CSMD1: variants seen among roughly 807,000 people sequenced by gnomAD.
CSMD1 encodes CUB and sushi domain-containing protein 1.
Under a neutral mutation model 417.5 loss-of-function variants are expected in CSMD1, and 213 were observed. The observed-to-expected ratio is 0.51, with a 90% CI of 0.46 to 0.57. The LOEUF is 0.57. Ranked by LOEUF, CSMD1 falls within the 20% of genes least tolerant of loss-of-function variation. CSMD1 has a pLI of 0.00. For missense variants in CSMD1, 6,923 were observed against 4,529.7 expected, an observed-to-expected ratio of 1.53 and a Z score of -15.17; for synonymous variants, 2,862 against 1,736.8, an observed-to-expected ratio of 1.65 and a Z score of -16.11.
At chr8:3,546,222 T>C (rs781071094) in intron 10 of CSMD1, among the ~76,000 whole-genome samples, 2 of 152,118 alleles carry the variant, frequency 1.3e-5, no homozygotes, top group Non-Finnish European at 2.9e-5. Flanking sequence ...TAAGGTTCTA[T>C]GCAGATAGTG....
intron 1 of CSMD1, among the ~76,000 whole-genome samples, chr8:4,697,382 A>T (rs576315600): frequency 1.3e-5 from 2 of 152,200 alleles, no homozygotes; most frequent in East Asian, 3.9e-4. Flanking sequence ...CTTGATTTTA[A>T]GTGGCTACTT....
At chr8:4,602,014 G>A (rs954097789) in intron 2 of CSMD1, among the ~76,000 whole-genome samples, 1 of 152,118 alleles carries the variant, frequency 6.6e-6, no homozygotes, top group Admixed American at 6.5e-5. Flanking sequence ...CCTTCCAAAT[G>A]ACATTTGCTA....
intron 3 of CSMD1, among the ~76,000 whole-genome samples, chr8:4,149,097 G>A (rs1050040429): frequency 6.6e-6 from 1 of 151,856 alleles, no homozygotes. Flanking sequence ...CCAAGTAGCT[G>A]GGATTACAGG....
At chr8:4,012,987 A>AAC (rs556846196) in intron 4 of CSMD1, among the ~76,000 whole-genome samples, 162 of 152,232 alleles carry the variant, frequency 1.1e-3, no homozygotes, top group African/African-American at 3.5e-3. Flanking sequence ...CTCAAGTAAC[A>AAC]ACACCTCTCA....
chr8:3,410,175 T>A (rs760325363), intron 12 of CSMD1, among the ~76,000 whole-genome samples: 1 of 152,216 alleles, frequency 6.6e-6, no homozygotes, highest in African/African-American at 2.4e-5. Flanking sequence ...TGCGTCCAAA[T>A]ACACCAAACC....
At chr8:4,170,681 G>C (rs12156181) in intron 3 of CSMD1, among the ~76,000 whole-genome samples, 12,363 of 151,416 alleles carry the variant, frequency 0.082, 641 homozygotes, top group Middle Eastern at 0.21. Context: ...GGAGGAGCTA[G>C]AACTCTGACA....
intron 1 of CSMD1, among the ~76,000 whole-genome samples, chr8:4,936,512 T>C (rs1357084910): frequency 2.0e-5 from 3 of 152,218 alleles, no homozygotes; most frequent in East Asian, 1.9e-4. Context: ...TACACTTCTA[T>C]TGGATGGATT....
chr8:4,158,089 C>CTTTTTTTT (rs57117925), intron 3 of CSMD1, among the ~76,000 whole-genome samples: 1 of 142,014 alleles, frequency 7.0e-6, no homozygotes. Flanking sequence ...CAAGAAAACC[C>CTTTTTTTT]TTTTTTTTTT....
intron 3 of CSMD1, among the ~76,000 whole-genome samples, chr8:4,283,418 T>C (rs549481925): frequency 1.3e-5 from 2 of 152,324 alleles, no homozygotes; most frequent in East Asian, 3.9e-4. Context: ...AACACATTCT[T>C]TTCATCTGGG....
chr8:3,350,065 G>T (rs191476848), intron 21 of CSMD1, among the ~76,000 whole-genome samples: 11 of 141,588 alleles, frequency 7.8e-5, no homozygotes, highest in Non-Finnish European at 1.7e-4. Flanking sequence ...AATAACTTGT[G>T]TATGTGTGTG....
chr8:3,538,475 T>C (rs1230782207), intron 10 of CSMD1, among the ~76,000 whole-genome samples: 6 of 151,220 alleles, frequency 4.0e-5, no homozygotes, highest in African/African-American at 7.3e-5. Flanking sequence ...CCTAAGATGA[T>C]ACACCTGAGA....
intron 23 of CSMD1, among the ~76,000 whole-genome samples, chr8:3,324,697 T>A (rs1157591174): frequency 6.6e-6 from 1 of 151,902 alleles, no homozygotes; most frequent in Non-Finnish European, 1.5e-5. Context: ...TTCGTCACTG[T>A]TAAAATAGGC....
In CSMD1 at chr8:3,754,030, C is replaced by A. The variant is rs1199769618; in HGVS notation, c.831G>T (p.Met277Ile). The A allele has an allele frequency of 1.2e-6, 2 of 1,611,868 alleles. No individual in the cohort carries two copies. The highest frequency in any genetic ancestry group is 1.7e-6 in the Non-Finnish European group (2 of 1,178,636). The change falls in exon 6 of 70, where the codon ATG becomes ATT. Residue 277 changes from methionine to isoleucine, a missense_variant. Physicochemically the swap from Met to Ile is conservative, Grantham distance 10 (BLOSUM62 1). Coordinates refer to ENST00000635120, the MANE Select transcript of CSMD1 (RefSeq NM_033225.6). ...TEAPSIWLTGMNLPSPVISSK... is the reference protein window; with the variant it reads ...TEAPSIWLTGINLPSPVISSK... Reference sequence around the variant, plus strand: ...TACTGATAACTGGAGAGGGGAGGTTCATGCCAGTTAGCCTAGAGAAGAGAA... The same window carrying A: ...TACTGATAACTGGAGAGGGGAGGTTAATGCCAGTTAGCCTAGAGAAGAGAA...
intron 6 of CSMD1, among the ~76,000 whole-genome samples, chr8:3,725,416 A>G (rs1422513319): frequency 6.6e-6 from 1 of 152,200 alleles, no homozygotes; most frequent in Non-Finnish European, 1.5e-5. Flanking sequence ...ATTTTTTAAA[A>G]GGAAGCAGAG....
intron 3 of CSMD1, among the ~76,000 whole-genome samples, chr8:4,261,013 G>A (rs751204933): frequency 1.1e-4 from 16 of 152,100 alleles, no homozygotes; most frequent in Non-Finnish European, 2.2e-4. Flanking sequence ...AAAATACAAA[G>A]TTCAACGTAG....
intron 10 of CSMD1, among the ~76,000 whole-genome samples, chr8:3,544,407 G>C (rs1235967043): frequency 6.6e-6 from 1 of 152,020 alleles, no homozygotes; most frequent in Non-Finnish European, 1.5e-5. Context: ...ATACGAACAA[G>C]CATTTTACCT....
At chr8:3,816,899 CA>C in intron 5 of CSMD1, among the ~76,000 whole-genome samples, 1 of 152,218 alleles carries the variant, frequency 6.6e-6, no homozygotes, top group East Asian at 1.9e-4. Context: ...TTCCACACCT[CA>C]TAAATTCTAT....
chr8:4,697,666 C>A (rs78859012), intron 1 of CSMD1, among the ~76,000 whole-genome samples: 1 of 152,136 alleles, frequency 6.6e-6, no homozygotes, highest in East Asian at 1.9e-4. Context: ...GCTGGTTACA[C>A]GATTTCCCTG....
chr8:4,119,633 G>A (rs1802366691), intron 3 of CSMD1, among the ~76,000 whole-genome samples: 1 of 152,108 alleles, frequency 6.6e-6, no homozygotes, highest in Non-Finnish European at 1.5e-5. Flanking sequence ...TCTGTGCTCT[G>A]TGAGGAACAA....
Sources: allele counts gnomAD v4.1 joint callset (sites outside exome capture counted in the v4.1 genomes callset), GRCh38; gene constraint gnomAD v4.1.1; transcripts MANE v1.5; gene names NCBI Gene and HGNC (gene_info 2026-07-23, HGNC 2026-07-21).